Variants in ESRRG observed in about 807,000 individuals in gnomAD.
The protein encoded by ESRRG is estrogen-related receptor gamma.
Under a neutral mutation model 44.0 loss-of-function variants are expected in ESRRG, and 13 were observed. That is an observed-to-expected ratio of 0.30 (90% CI 0.19 to 0.47). The LOEUF (loss-of-function observed/expected upper bound fraction) is 0.47, where lower values mean the gene tolerates loss of function less well. Among genes scored for constraint, ESRRG ranks in the 20% least tolerant of loss-of-function variants. The probability of loss-of-function intolerance (pLI) is 1.00; values close to 1 mark genes in which losing one functional copy is unlikely to be tolerated. For missense variants in ESRRG, 395 were observed against 580.6 expected (o/e 0.68, Z 3.29); for synonymous variants, 215 against 214.6 (o/e 1.00, Z -0.02).
chr1:216,612,991 T>A (rs918911631), intron 3 of ESRRG, among the ~76,000 whole-genome samples: 8 of 152,220 alleles, frequency 5.3e-5, no homozygotes, highest in South Asian at 2.1e-4. Flanking sequence ...CCATTACCAG[T>A]GAAGAAATTT....
rs183277999 is a variant in ESRRG at position 217,001,376 on chromosome 1, C to T, written c.-105-61703G>A. ...CTGAAAATGAGTCACGTGGATGATACCAAACTGCCTTGGGCAGTAAAAAGC... is the reference window on the plus strand; with the variant it reads ...CTGAAAATGAGTCACGTGGATGATATCAAACTGCCTTGGGCAGTAAAAAGC... On this transcript the variant is annotated intron_variant, in intron 1 of 7. Transcript: ENST00000359162. Among the ~76,000 whole-genome samples, 615 of 152,288 alleles carry T rather than the reference C, an allele frequency of 4.0e-3. 5 individuals are homozygous for T. The highest frequency in any genetic ancestry group is 6.3e-3 in the Non-Finnish European group (430 of 68,022).
At chr1:216,779,147 TATATATATATAAAATAA>T (rs1270036044) in intron 2 of ESRRG, among the ~76,000 whole-genome samples, 1 of 91,890 alleles carries the variant, frequency 1.1e-5, no homozygotes, top group Non-Finnish European at 2.0e-5. Flanking sequence ...AATATATATT[TATATATATATAAAATAA>T]ATATATATAT....
intron 5 of ESRRG, among the ~76,000 whole-genome samples, chr1:216,540,486 A>G (rs1389964412): frequency 9.2e-5 from 14 of 152,054 alleles, no homozygotes; most frequent in Non-Finnish European, 2.9e-5. Flanking sequence ...CATTAAATGT[A>G]CCAACTCACA....
chr1:216,571,995 T>C (rs553655754), intron 3 of ESRRG, among the ~76,000 whole-genome samples: 89 of 152,284 alleles, frequency 5.8e-4, no homozygotes, highest in African/African-American at 2.1e-3. Flanking sequence ...TACTCGTGAT[T>C]TTTCATCCCC....
Position 216,937,198 on chromosome 1 carries a change from T to G in ESRRG, c.-14+2384A>C, listed in dbSNP as rs891309072. Among the ~76,000 whole-genome samples the G allele has an allele frequency of 5.9e-5, 9 of 151,944 alleles. No individual in the cohort carries two copies. The East Asian group carries it at 1.7e-3, about 29-fold the overall frequency. The stretch of plus-strand genomic sequence containing the variant: ...ATTCTCAGTCATAAATAAATAGAAT[T>G]GACAAAGACATTAAAGATGGAAACA... On this transcript the variant is annotated intron_variant, in intron 2 of 7. Transcript: ENST00000359162.
intron 1 of ESRRG, among the ~76,000 whole-genome samples, chr1:217,110,197 C>G (rs975951465): frequency 6.6e-6 from 1 of 152,160 alleles, no homozygotes; most frequent in Non-Finnish European, 1.5e-5. Flanking sequence ...CAAATATGGC[C>G]TCAAAATTGT....
chr1:216,637,650 G>C (rs2065561837), intron 3 of ESRRG, among the ~76,000 whole-genome samples: 1 of 152,160 alleles, frequency 6.6e-6, no homozygotes, highest in Non-Finnish European at 1.5e-5. Context: ...TTTAATAGAT[G>C]TCTGATCTTG....
chr1:216,859,747 A>T (rs1403789843), intron 2 of ESRRG, among the ~76,000 whole-genome samples: 1 of 152,202 alleles, frequency 6.6e-6, no homozygotes, highest in East Asian at 1.9e-4. Flanking sequence ...AAAAGTAAGA[A>T]TCTAAAGGAT....
At chr1:216,761,075 G>T (rs1180434927) in intron 2 of ESRRG, among the ~76,000 whole-genome samples, 1 of 151,692 alleles carries the variant, frequency 6.6e-6, no homozygotes, top group Non-Finnish European at 1.5e-5. Flanking sequence ...CTGGGGACAG[G>T]TGTTAATGTC....
chr1:216,744,179 C>T (rs1053940025), intron 2 of ESRRG, among the ~76,000 whole-genome samples: 1 of 152,120 alleles, frequency 6.6e-6, no homozygotes, highest in Non-Finnish European at 1.5e-5. Flanking sequence ...AATACATTGT[C>T]CGTTAGAGTC....
At chr1:216,637,501 T>G (rs1383385813) in intron 3 of ESRRG, among the ~76,000 whole-genome samples, 1 of 152,188 alleles carries the variant, frequency 6.6e-6, no homozygotes, top group Non-Finnish European at 1.5e-5. Flanking sequence ...GCAGCTTCCA[T>G]GTGACTTAAA....
At chr1:216,656,418 G>T (rs2070595437) in intron 2 of ESRRG, among the ~76,000 whole-genome samples, 1 of 152,126 alleles carries the variant, frequency 6.6e-6, no homozygotes, top group Non-Finnish European at 1.5e-5. Flanking sequence ...TCTCCTGGCG[G>T]CTTTTCAAAA....
chr1:216,662,458 G>A (rs761606834), intron 2 of ESRRG, among the ~76,000 whole-genome samples: 8 of 152,096 alleles, frequency 5.3e-5, no homozygotes, highest in Non-Finnish European at 1.0e-4. Context: ...GAAAGGCGAG[G>A]AAAGCCCAGA....
chr1:216,898,561 T>C (rs371420381), intron 2 of ESRRG, among the ~76,000 whole-genome samples: 1 of 152,252 alleles, frequency 6.6e-6, no homozygotes, highest in Middle Eastern at 3.4e-3. Context: ...GAGGCAGCAG[T>C]GAGCCGAGAT....
At chr1:217,111,303 C>G in intron 1 of ESRRG, among the ~76,000 whole-genome samples, 1 of 152,106 alleles carries the variant, frequency 6.6e-6, no homozygotes, top group East Asian at 1.9e-4. Context: ...TGTGACTGCA[C>G]TATTTCATCA....
At chr1:216,879,367 A>G (rs2149296333) in intron 2 of ESRRG, among the ~76,000 whole-genome samples, 1 of 152,136 alleles carries the variant, frequency 6.6e-6, no homozygotes, top group East Asian at 1.9e-4. Context: ...GTCTCTGATT[A>G]CTGATATTAT....
intron 2 of ESRRG, among the ~76,000 whole-genome samples, chr1:216,781,505 G>A (rs1473781812): frequency 1.3e-5 from 2 of 151,958 alleles, no homozygotes; most frequent in Admixed American, 6.6e-5. Flanking sequence ...CCATCAACAA[G>A]TCAGTCAACA....
intron 1 of ESRRG, among the ~76,000 whole-genome samples, chr1:216,706,426 G>T (rs1203130967): frequency 1.3e-5 from 2 of 152,156 alleles, no homozygotes; most frequent in African/African-American, 4.8e-5. Context: ...ACAGCCTTTT[G>T]ATGTTGCAGA....
intron 2 of ESRRG, among the ~76,000 whole-genome samples, chr1:216,813,602 T>C (rs2095042720): frequency 6.6e-6 from 1 of 152,216 alleles, no homozygotes; most frequent in African/African-American, 2.4e-5. Context: ...GCTTGACCAA[T>C]GGTGAGCAAT....
Sources: allele counts gnomAD v4.1 joint callset (sites outside exome capture counted in the v4.1 genomes callset), GRCh38; gene constraint gnomAD v4.1.1; transcripts MANE v1.5; gene names NCBI Gene and HGNC (gene_info 2026-07-23, HGNC 2026-07-21).